MCCC2: variants seen among roughly 807,000 people sequenced by gnomAD.
MCCC2 encodes the protein methylcrotonyl-CoA carboxylase subunit 2.
In MCCC2, 52 loss-of-function variants were observed where a neutral mutation model predicts 77.2. That is an observed-to-expected ratio of 0.67 (90% CI 0.54 to 0.85). The LOEUF (loss-of-function observed/expected upper bound fraction) is 0.85. MCCC2 is among the 40% of genes least tolerant of loss of function. The pLI is 0.00. For synonymous variants in MCCC2, 253 were observed against 248.4 expected, an observed-to-expected ratio of 1.02 and a Z score of -0.18; for missense variants, 682 against 703.2, an observed-to-expected ratio of 0.97 and a Z score of 0.34.
chr5:71,655,204 T>C (rs913967746), intron 16 of MCCC2, among the ~76,000 whole-genome samples: 30 of 152,194 alleles, frequency 2.0e-4, no homozygotes, highest in Admixed American at 1.6e-3. Context: ...CTTTCAAAGC[T>C]GAAAGGATTT....
Position 71,637,201 on chromosome 5 carries a change from A to G in MCCC2, c.999+1955A>G, listed in dbSNP as rs184941708. Among the ~76,000 whole-genome samples, 591 of 152,344 alleles carry G rather than the reference A, an allele frequency of 3.9e-3. 2 individuals are homozygous for G. The highest frequency in any genetic ancestry group is 0.013 in the African/African-American group (530 of 41,570). Reference sequence around the variant, plus strand: ...TGCTGAGATGTTCAAAGAATAATACAATGATCACCTGTATATGAACCTCAT... The same window carrying G: ...TGCTGAGATGTTCAAAGAATAATACGATGATCACCTGTATATGAACCTCAT... On this transcript the variant is annotated intron_variant, in intron 10 of 16. Coordinates refer to ENST00000340941, the MANE Select transcript of MCCC2 (RefSeq NM_022132.5).
Position 71,587,351 on chromosome 5 carries a change from C to T in MCCC2, c.-75C>T. 6.6e-7 allele frequency: 1 copy of T among 1,512,548 alleles called. No individual in the cohort carries two copies. The highest frequency in any genetic ancestry group is 8.8e-7 in the Non-Finnish European group (1 of 1,135,898). The allele number at this position is 1,512,548 out of a possible 1,614,324, so 93.7% of individuals were successfully genotyped here. A position where few individuals can be genotyped will look rare whatever the true frequency, so the allele number is the denominator to read the frequency against. ...AAGGACCTGAGCTCAGCTTCCGCCCCAGCCAGGGAAGCGGCAGGGGAAAGC... is the reference window on the plus strand; with the variant it reads ...AAGGACCTGAGCTCAGCTTCCGCCCTAGCCAGGGAAGCGGCAGGGGAAAGC... On this transcript the variant is annotated 5_prime_UTR_variant, in exon 1 of 17. Transcript: ENST00000340941.
At chr5:71,633,946 T>C (rs1746830822) in intron 8 of MCCC2, among the ~76,000 whole-genome samples, 1 of 152,154 alleles carries the variant, frequency 6.6e-6, no homozygotes, top group Non-Finnish European at 1.5e-5. Flanking sequence ...ATCTGTGGGC[T>C]ATGAAAAAGA....
At chr5:71,612,017 T>C (rs1057325431) in intron 6 of MCCC2, among the ~76,000 whole-genome samples, 5 of 152,208 alleles carry the variant, frequency 3.3e-5, no homozygotes, top group African/African-American at 1.2e-4. Context: ...CTCGATCTCC[T>C]GACCTCGTGA....
intron 6 of MCCC2, among the ~76,000 whole-genome samples, chr5:71,610,874 A>C (rs1436822351): frequency 1.3e-5 from 2 of 152,104 alleles, no homozygotes; most frequent in African/African-American, 4.8e-5. Flanking sequence ...TAGTCCCAGC[A>C]ACTTGGGAGA....
intron 6 of MCCC2, among the ~76,000 whole-genome samples, chr5:71,608,809 A>G (rs955588206): frequency 6.6e-6 from 1 of 151,900 alleles, no homozygotes; most frequent in Non-Finnish European, 1.5e-5. Flanking sequence ...AAAGGATTTT[A>G]TTTCTCCTTC....
chr5:71,616,666 G>T (rs78778498), intron 6 of MCCC2, among the ~76,000 whole-genome samples: 7 of 152,014 alleles, frequency 4.6e-5, no homozygotes, highest in Admixed American at 3.3e-4. Context: ...GCACTACCTT[G>T]CTCTTTCCCT....
chr5:71,604,104 C>T (rs1354906037), intron 5 of MCCC2, among the ~76,000 whole-genome samples: 1 of 152,160 alleles, frequency 6.6e-6, no homozygotes, highest in Admixed American at 6.5e-5. Flanking sequence ...AGCTGGTCCT[C>T]AAAGGAGAGA....
At chr5:71,632,266 T>A in intron 8 of MCCC2, 81 bp downstream of exon 8, 3 of 1,382,932 alleles carry the variant, frequency 2.2e-6, no homozygotes, top group Non-Finnish European at 3.1e-6. Context: ...CGTATTTGTT[T>A]CCAGTGCTAA....
intron 1 of MCCC2, 121 bp downstream of exon 1, chr5:71,587,675 G>T (rs1357777943): frequency 7.5e-7 from 1 of 1,340,862 alleles, no homozygotes; most frequent in African/African-American, 1.5e-5. Flanking sequence ...TGTGACGCAC[G>T]TGAAGTTTGA....
intron 6 of MCCC2, among the ~76,000 whole-genome samples, chr5:71,610,271 T>C (rs1291006420): frequency 2.6e-5 from 4 of 152,190 alleles, no homozygotes. Flanking sequence ...AATCTCCTGG[T>C]GCGCCGTTTT....
chr5:71,600,097 A>T (rs553443619), intron 4 of MCCC2, among the ~76,000 whole-genome samples: 1 of 152,208 alleles, frequency 6.6e-6, no homozygotes, highest in East Asian at 1.9e-4. Flanking sequence ...CCTGGGAGGC[A>T]GAAGTTGCAG....
chr5:71,637,964 G>A (rs456938), intron 10 of MCCC2, among the ~76,000 whole-genome samples: 59,555 of 151,748 alleles, frequency 0.39, 12,303 homozygotes, highest in South Asian at 0.47. Context: ...TGCCCGCCTC[G>A]GCCTCCCAAA....
intron 6 of MCCC2, among the ~76,000 whole-genome samples, chr5:71,619,545 A>G (rs986077569): frequency 3.9e-5 from 6 of 151,908 alleles, no homozygotes; most frequent in African/African-American, 1.5e-4. Context: ...GCATGAGCCA[A>G]TGTGGCCTCT....
chr5:71,598,511 C>G (rs553898421), intron 3 of MCCC2, among the ~76,000 whole-genome samples: 1 of 149,968 alleles, frequency 6.7e-6, no homozygotes, highest in South Asian at 2.1e-4. Flanking sequence ...ATGATCTCAG[C>G]TCACTGAAAC....
In MCCC2 at chr5:71,598,962, T is replaced by C. The variant is rs535547008; in HGVS notation, c.282-697T>C. On this transcript the variant is annotated intron_variant, in intron 3 of 16. Coordinates refer to ENST00000340941, the MANE Select transcript of MCCC2 (RefSeq NM_022132.5). ...TTTGTAAAGATGGGGTTTCCCCGTG[T>C]TGCTCAGGCTGGCCTCAAACTCCTG... Among the ~76,000 whole-genome samples, 4 of 152,056 alleles carry C rather than the reference T, an allele frequency of 2.6e-5. No homozygotes were observed. The South Asian group carries it at 8.3e-4, about 32-fold the overall frequency.
chr5:71,628,124 A>G (rs993300169), intron 7 of MCCC2, among the ~76,000 whole-genome samples: 1 of 152,354 alleles, frequency 6.6e-6, no homozygotes, highest in East Asian at 1.9e-4. Context: ...GATTACAGGC[A>G]TGAGCCACTG....
chr5:71,599,728 T>C lies in MCCC2; in HGVS notation c.351T>C (p.Gly117=). The C allele has an allele frequency of 5.0e-6, 8 of 1,614,026 alleles. No homozygotes were observed. Among genetic ancestry groups the C allele is most frequent in the Non-Finnish European group, 6.8e-6 (8 of 1,179,964 alleles). Residue 117 remains glycine (G), a synonymous_variant, in exon 4 of 17, where the codon GGT becomes GGC. Transcript: ENST00000340941. ...QLYDNEEVPG[G]GIITGIGRVS... ...ATGACAATGAGGAGGTGCCAGGAGG[T>C]GGCATTATTACAGGCATTGGAAGAG...
chr5:71,593,070 C>A, intron 2 of MCCC2, 78 bp downstream of exon 2: 3 of 1,208,282 alleles, frequency 2.5e-6, no homozygotes, highest in South Asian at 1.3e-5. Flanking sequence ...AGGAAAAATA[C>A]TGGAATTAAG....
Sources: allele counts gnomAD v4.1 joint callset (sites outside exome capture counted in the v4.1 genomes callset), GRCh38; gene constraint gnomAD v4.1.1; transcripts MANE v1.5; gene names NCBI Gene and HGNC (gene_info 2026-07-23, HGNC 2026-07-21).